The following KHDC4 variants were observed in gnomAD, a reference collection of about 807,000 sequenced individuals.
The protein encoded by KHDC4 is KH domain containing 4, pre-mRNA splicing factor, also known as KH homology domain-containing protein 4.
In KHDC4, 19 loss-of-function variants were observed where a neutral mutation model predicts 74.5. The observed-to-expected ratio is 0.26, with a 90% CI of 0.18 to 0.37. The LOEUF (loss-of-function observed/expected upper bound fraction) is 0.37, where lower values mean the gene tolerates loss of function less well. KHDC4 is among the 10% of genes least tolerant of loss of function. The pLI, the probability that KHDC4 is intolerant of heterozygous loss-of-function variation, is 1.00. For synonymous variants in KHDC4, 253 were observed against 266.1 expected (o/e 0.95, Z 0.48); for missense variants, 632 against 754.1 (o/e 0.84, Z 1.90).
chr1:155,914,335 AAAC>A lies in KHDC4; in HGVS notation c.1646-18_1646-16del. The A allele has an allele frequency of 1.9e-6, 3 of 1,596,424 alleles. No individual in the cohort carries two copies. The highest frequency in any genetic ancestry group is 2.6e-6 in the Non-Finnish European group (3 of 1,164,216). ...GGCTGGATAATCTAGAATAGAGAAA[AAAC>A]AACCCCAACCCCATCCCCGCCAAGG... On this transcript the variant is annotated splice_polypyrimidine_tract_variant and intron_variant, in intron 13 of 13. Transcript: ENST00000368321.
intron 10 of KHDC4, 51 bp from the exon 11 acceptor site, chr1:155,917,723 A>C: frequency 7.4e-7 from 1 of 1,351,550 alleles, no homozygotes; most frequent in Non-Finnish European, 9.9e-7. Context: ...ATGCCCAAGG[A>C]ATAAGTAAAC....
intron 5 of KHDC4, 93 bp from the exon 6 acceptor site, chr1:155,926,932 TACGTTAC>T: frequency 6.9e-7 from 1 of 1,444,618 alleles, no homozygotes; most frequent in South Asian, 1.2e-5. Flanking sequence ...ATCTGCTTTA[TACGTTAC>T]CCAAATATGT....
Position 155,929,745 on chromosome 1 carries a change from C to T in KHDC4, c.351G>A (p.Arg117=), listed in dbSNP as rs1302189361. 6.2e-7 allele frequency: 1 copy of T among 1,612,492 alleles called. No homozygotes were observed. Among genetic ancestry groups the T allele is most frequent in the Non-Finnish European group, 8.5e-7 (1 of 1,179,476 alleles). The change falls in exon 3 of 14, where the codon AGG becomes AGA. Residue 117 remains arginine (R), a synonymous_variant. Transcript: ENST00000368321. ...GAGTCTGTCCTCGAGTCAGCAAGTT[C>T]CTACATGTGAGAGGCACATCATTAA... ...VEINDVPLTC[R]NLLTRGQTQD... is the part of the protein sequence containing the mutation.
intron 4 of KHDC4, among the ~76,000 whole-genome samples, chr1:155,927,982 G>A (rs974775567): frequency 2.6e-5 from 4 of 151,988 alleles, no homozygotes; most frequent in Non-Finnish European, 5.9e-5. Flanking sequence ...ATAATAAAGT[G>A]ATCAATAACC....
intron 7 of KHDC4, among the ~76,000 whole-genome samples, chr1:155,924,462 GC>G (rs1448554949): frequency 6.6e-6 from 1 of 151,938 alleles, no homozygotes; most frequent in Non-Finnish European, 1.5e-5. Context: ...ATCCGCCTCG[GC>G]CCTGAAAGTG....
intron 1 of KHDC4, 125 bp downstream of exon 1, chr1:155,934,211 C>G (rs550245553): frequency 9.4e-7 from 1 of 1,059,154 alleles, no homozygotes; most frequent in African/African-American, 1.6e-5. Flanking sequence ...GATCCTTCTC[C>G]CCAAACGTCC....
intron 9 of KHDC4, 76 bp downstream of exon 9, chr1:155,921,785 G>A (rs1673869298): frequency 1.4e-6 from 2 of 1,423,054 alleles, no homozygotes; most frequent in Non-Finnish European, 2.0e-6. Context: ...CCCTGGCACA[G>A]TCTAGCCTCA....
intron 10 of KHDC4, among the ~76,000 whole-genome samples, chr1:155,919,308 C>T (rs1390827599): frequency 6.6e-6 from 1 of 152,090 alleles, no homozygotes; most frequent in Non-Finnish European, 1.5e-5. Flanking sequence ...TATTGCTTCC[C>T]AATTACAAAG....
rs1383928235 is a variant in KHDC4 at position 155,917,485 on chromosome 1, G to GT, written c.1440+13dup. Reference sequence around the variant, plus strand: ...AATAAGGTGAAGATAGGAAAACAGGGTATTTTATTTAACCTGGTATCCAAG... The same window carrying GT: ...AATAAGGTGAAGATAGGAAAACAGGGTTATTTTATTTAACCTGGTATCCAAG... On this transcript the variant is annotated intron_variant, in intron 11 of 13. Transcript: ENST00000368321. 1 of 1,577,812 alleles carries GT rather than the reference G, an allele frequency of 6.3e-7. No individual in the cohort carries two copies. Among genetic ancestry groups the GT allele is most frequent in the Middle Eastern group, 1.7e-4 (1 of 5,766 alleles).
chr1:155,917,531 C>T lies in KHDC4; in HGVS notation c.1408G>A (p.Asp470Asn). The T allele has an allele frequency of 6.9e-7, 1 of 1,459,186 alleles. No individual in the cohort carries two copies. Among genetic ancestry groups the T allele is most frequent in the Non-Finnish European group, 9.2e-7 (1 of 1,083,940 alleles). The allele number at this position is 1,459,186 out of a possible 1,614,324, so 90.4% of individuals were successfully genotyped here. A position where few individuals can be genotyped will look rare whatever the true frequency, so the allele number is the denominator to read the frequency against. Residue 470 changes from aspartate (D) to asparagine (N), a missense_variant, in exon 11 of 14, where the codon GAT becomes AAT. Transcript: ENST00000368321. ...CCAAGCAGTCCAGATTCCCGTTCAT[C>T]TGGTAGCTCCTCTGTGAATCGTCTC... ...QKRRFTEELP[D>N]ERESGLLGYQ...
In KHDC4 at chr1:155,929,844, G is replaced by GAA. The variant is rs776174892; in HGVS notation, c.256-6_256-5dup. The GAA allele has an allele frequency of 3.2e-5, 49 of 1,551,950 alleles. No homozygotes were observed. The South Asian group carries it at 5.7e-4, about 18-fold the overall frequency. On this transcript the variant is annotated splice_region_variant and splice_polypyrimidine_tract_variant and intron_variant, in intron 2 of 13. Coordinates refer to ENST00000368321, the MANE Select transcript of KHDC4 (RefSeq NM_014949.4). Reference sequence around the variant, plus strand: ...GGCCTTTGCCAGGAGCCTGAAGCTAGAAAAAAGAGAAATTAGATTAAAAAG... The same window carrying GAA: ...GGCCTTTGCCAGGAGCCTGAAGCTAGAAAAAAAAGAGAAATTAGATTAAAAAG...
chr1:155,914,993 T>A (rs1673701516), intron 13 of KHDC4: 3 of 152,254 alleles, frequency 2.0e-5, no homozygotes, highest in Admixed American at 1.3e-4. Context: ...TAGATACACG[T>A]TGGTTGGAAA....
chr1:155,928,105 G>C (rs1674058920), intron 4 of KHDC4, among the ~76,000 whole-genome samples: 1 of 152,174 alleles, frequency 6.6e-6, no homozygotes, highest in Admixed American at 6.6e-5. Flanking sequence ...GGGCACGGTG[G>C]CTCATGCCTG....
chr1:155,920,963 G>A (rs1490992395), intron 10 of KHDC4, among the ~76,000 whole-genome samples: 1 of 152,176 alleles, frequency 6.6e-6, no homozygotes, highest in African/African-American at 2.4e-5. Flanking sequence ...CCTGCCACCT[G>A]TTTTGTAAAT....
In KHDC4 at chr1:155,933,730, G is replaced by A. The variant is rs753953258; in HGVS notation, c.158C>T (p.Ser53Leu). 17 of 1,610,976 alleles carry A rather than the reference G, an allele frequency of 1.1e-5. No individual in the cohort carries two copies. In the East Asian group the frequency reaches 1.6e-4, roughly 15 times the overall value. The change falls in exon 2 of 14, where the codon TCA (serine) becomes TTA (leucine). Residue 53 changes from serine (S) to leucine (L), a missense_variant. Coordinates refer to ENST00000368321, the MANE Select transcript of KHDC4 (RefSeq NM_014949.4). Reference sequence around the variant, plus strand: ...AGCAGCAGCAGCATCCAAGGCTCCTGAAGGAGCAGCTGTGGTGCCCCCAGG... The same window carrying A: ...AGCAGCAGCAGCATCCAAGGCTCCTAAAGGAGCAGCTGTGGTGCCCCCAGG... ...GSPGGTTAAPSGALDAAAAVA... is the reference protein window; with the variant it reads ...GSPGGTTAAPLGALDAAAAVA...
At chr1:155,921,104 C>T in intron 10 of KHDC4, 1 of 436,924 alleles carries the variant, frequency 2.3e-6, no homozygotes, top group Non-Finnish European at 4.2e-6. Flanking sequence ...AAAATATTTG[C>T]CATCTGACCC....
chr1:155,926,091 A>C (rs1206748734), intron 6 of KHDC4: 1 of 681,712 alleles, frequency 1.5e-6, no homozygotes, highest in Admixed American at 1.8e-5. Context: ...TCCAGTTGTC[A>C]TCAAGTTTAC....
At position 155,917,483 on chromosome 1, in the gene KHDC4, G is replaced by A. The variant is rs1310657093; in HGVS notation, c.1440+16C>T. On this transcript the variant is annotated intron_variant, in intron 11 of 13. Transcript: ENST00000368321. ...AGAATAAGGTGAAGATAGGAAAACA[G>A]GGTATTTTATTTAACCTGGTATCCA... The A allele has an allele frequency of 1.9e-6, 3 of 1,594,532 alleles. No homozygotes were observed. The highest frequency in any genetic ancestry group is 2.6e-6 in the Non-Finnish European group (3 of 1,162,684).
Position 155,934,395 on chromosome 1 carries a change from A to AC in KHDC4, c.-23dup. ...ACATGGCGACCGCTTCTACTCAACC[A>AC]CCCGCCAACTATCCGACTACCACCT... On this transcript the variant is annotated 5_prime_UTR_variant, in exon 1 of 14. Transcript: ENST00000368321. 6.2e-7 allele frequency: 1 copy of AC among 1,609,740 alleles called. No individual in the cohort carries two copies. Among genetic ancestry groups the AC allele is most frequent in the Non-Finnish European group, 8.5e-7 (1 of 1,179,082 alleles).
Sources: gnomAD v4.1 joint callset for allele counts (sites outside exome capture counted in the v4.1 genomes callset) on GRCh38, gnomAD v4.1.1 for gene constraint, MANE v1.5 for transcripts, NCBI Gene and HGNC (gene_info 2026-07-23, HGNC 2026-07-21) for gene names.